BDP1: variants seen among roughly 807,000 people sequenced by gnomAD.
BDP1 encodes BDP1 general transcription factor IIIB subunit.
Under a neutral mutation model 266.6 loss-of-function variants are expected in BDP1, and 169 were observed. That is an observed-to-expected ratio of 0.63 (90% confidence interval 0.56 to 0.72). BDP1 has a LOEUF of 0.72. Among genes scored for constraint, BDP1 ranks in the 30% least tolerant of loss-of-function variants. The pLI, the probability that BDP1 is intolerant of heterozygous loss-of-function variation, is 0.00. For synonymous variants in BDP1, 1,090 were observed against 1,022.4 expected, an observed-to-expected ratio of 1.07 and a Z score of -1.26; for missense variants, 3,015 against 3,053.8, an observed-to-expected ratio of 0.99 and a Z score of 0.30.
At chr5:71,475,136 G>A (rs1762505183) in intron 7 of BDP1, among the ~76,000 whole-genome samples, 1 of 152,002 alleles carries the variant, frequency 6.6e-6, no homozygotes, top group Non-Finnish European at 1.5e-5. Context: ...ACAGTGTGGA[G>A]TACATGGGCA....
In BDP1 at chr5:71,545,796, A is replaced by G. The variant is rs553201774; in HGVS notation, c.6744+577A>G. On this transcript the variant is annotated intron_variant, in intron 32 of 38. Coordinates refer to ENST00000358731, the MANE Select transcript of BDP1 (RefSeq NM_018429.3). Reference sequence around the variant, plus strand: ...AAGGGAGAGGAACGTGTGTGTAAAGAACAGGTGTGGACCGGTTGCAGTGGC... The same window carrying G: ...AAGGGAGAGGAACGTGTGTGTAAAGGACAGGTGTGGACCGGTTGCAGTGGC... Among the ~76,000 whole-genome samples the G allele has an allele frequency of 9.9e-5, 15 of 152,184 alleles. No homozygotes were observed. The South Asian group carries it at 2.7e-3, about 27-fold the overall frequency.
intron 7 of BDP1, among the ~76,000 whole-genome samples, chr5:71,479,295 C>T (rs1312970598): frequency 6.6e-6 from 1 of 151,954 alleles, no homozygotes; most frequent in Non-Finnish European, 1.5e-5. Context: ...CCTGCCTCAG[C>T]CTCCCAAAGT....
rs753019323 is a variant in BDP1 at position 71,511,132 on chromosome 5, T to C, written c.4040T>C (p.Val1347Ala). The C allele has an allele frequency of 4.2e-5, 68 of 1,609,156 alleles. No homozygotes were observed. The highest frequency in any genetic ancestry group is 4.6e-5 in the Non-Finnish European group (54 of 1,178,384). Residue 1347 changes from valine to alanine, a missense_variant, in exon 17 of 39, where the codon GTG becomes GCG. Around this residue, in one of 3 missense-constraint regions of BDP1, gnomAD observed 2,383 missense variants for 2,404.9 expected, o/e 0.99. Coordinates refer to ENST00000358731, the MANE Select transcript of BDP1 (RefSeq NM_018429.3). ...AGCGGTAGCAATGACTTCAGTGCTG[T>C]GCCTTCACTAGATATTCAGGTATGT... ...MQSGSNDFSA[V>A]PSLDIQNISS...
At chr5:71,555,024 C>T (rs1354845574) in intron 35 of BDP1, among the ~76,000 whole-genome samples, 1 of 152,148 alleles carries the variant, frequency 6.6e-6, no homozygotes, top group Non-Finnish European at 1.5e-5. Flanking sequence ...CTTTGGGATG[C>T]TCAGCCTGTA....
At chr5:71,459,893 T>C (rs976451871) in intron 2 of BDP1, among the ~76,000 whole-genome samples, 1 of 152,232 alleles carries the variant, frequency 6.6e-6, no homozygotes, top group Non-Finnish European at 1.5e-5. Flanking sequence ...CATTGGAGCA[T>C]ATTGGATTTC....
intron 7 of BDP1, among the ~76,000 whole-genome samples, chr5:71,483,267 T>C (rs1274580610): frequency 2.6e-5 from 4 of 152,312 alleles, no homozygotes; most frequent in Middle Eastern, 3.4e-3. Flanking sequence ...CTAATGACTT[T>C]AGGATGGATT....
intron 1 of BDP1, 88 bp downstream of exon 1, chr5:71,456,177 G>T: frequency 7.8e-7 from 1 of 1,289,592 alleles, no homozygotes; most frequent in Non-Finnish European, 1.1e-6. Context: ...TTTATCACAG[G>T]AGTCCGCTCT....
In BDP1 at chr5:71,549,612, G is replaced by A. The variant is rs775432752; in HGVS notation, c.6995+6G>A. The A allele has an allele frequency of 7.6e-6, 12 of 1,586,326 alleles. No homozygotes were observed. In the African/African-American group the frequency reaches 8.1e-5, roughly 11 times the overall value. ...GAAGAAAGGGGTGACATGAGGTAAC[G>A]AATGAGTGAAACTGTTTTTGCTAGG... On this transcript the variant is annotated splice_donor_region_variant and intron_variant, in intron 34 of 38. Transcript: ENST00000358731.
At chr5:71,481,129 G>T (rs563036244) in intron 7 of BDP1, among the ~76,000 whole-genome samples, 212 of 151,522 alleles carry the variant, frequency 1.4e-3, no homozygotes, top group Non-Finnish European at 2.5e-3. Context: ...AGCTGAGATC[G>T]CGCCACTGCG....
intron 33 of BDP1, 51 bp downstream of exon 33, chr5:71,548,796 T>G: frequency 7.9e-7 from 1 of 1,264,362 alleles, no homozygotes; most frequent in Non-Finnish European, 1.1e-6. Context: ...TGTATGATTT[T>G]TACCCCTTAT....
rs1354934649 is a variant in BDP1, at chr5:71,506,819, A to AC, written c.2372+2069dup. On this transcript the variant is annotated intron_variant, in intron 16 of 38. Coordinates refer to ENST00000358731, the MANE Select transcript of BDP1 (RefSeq NM_018429.3). ...CACACACACACACACACACACACAC[A>AC]CACACCCATATTTTTTTAAAGACAA... Among the ~76,000 whole-genome samples, 19 of 78,066 alleles carry AC rather than the reference A, an allele frequency of 2.4e-4. No homozygotes were observed. The East Asian group carries it at 5.9e-3, about 24-fold the overall frequency. 51.2% of individuals were successfully genotyped at this position (78,066 alleles called of 152,430 possible).
At chr5:71,473,956 T>A (rs1762431214) in intron 7 of BDP1, among the ~76,000 whole-genome samples, 1 of 152,070 alleles carries the variant, frequency 6.6e-6, no homozygotes, top group African/African-American at 2.4e-5. Context: ...TAAAGCCTTC[T>A]TTTTTAAAGT....
chr5:71,502,325 C>T (rs1283390873), intron 14 of BDP1, among the ~76,000 whole-genome samples: 5 of 151,816 alleles, frequency 3.3e-5, no homozygotes, highest in Non-Finnish European at 7.4e-5. Context: ...CAGGCGCCCA[C>T]CACCACACCT....
chr5:71,575,026 A>G, the BDP1 span, among the ~76,000 whole-genome samples: 1 of 152,234 alleles, frequency 6.6e-6, no homozygotes, highest in African/African-American at 2.4e-5. Context: ...GTGTTCAACA[A>G]AGTGCTGAGA....
chr5:71,471,707 T>A (rs1762264785), intron 7 of BDP1, among the ~76,000 whole-genome samples: 1 of 152,220 alleles, frequency 6.6e-6, no homozygotes, highest in South Asian at 2.1e-4. Context: ...CATTTGAGTG[T>A]CATCACACTA....
Position 71,556,897 on chromosome 5 carries a change from G to A in BDP1, c.7212G>A (p.Lys2404=). The change falls in exon 36 of 39, where the codon AAG becomes AAA. Residue 2404 remains lysine, a synonymous_variant. Transcript: ENST00000358731. ...CQEYTTEVHS[K]ELTNVFEETG... Reference sequence around the variant, plus strand: ...TTTTCTTAAAATAGGTGCACTCAAAGGAATTAACAAATGTTTTTGAGGAAA... The same window carrying A: ...TTTTCTTAAAATAGGTGCACTCAAAAGAATTAACAAATGTTTTTGAGGAAA... The A allele has an allele frequency of 6.9e-7, 1 of 1,449,192 alleles. No individual in the cohort carries two copies. The highest frequency in any genetic ancestry group is 9.2e-7 in the Non-Finnish European group (1 of 1,085,000). The allele number at this position is 1,449,192 out of a possible 1,614,324, so 89.8% of individuals were successfully genotyped here.
At chr5:71,497,223 G>A in intron 12 of BDP1, 47 bp from the exon 13 acceptor site, 1 of 1,540,756 alleles carries the variant, frequency 6.5e-7, no homozygotes, top group Non-Finnish European at 8.9e-7. Flanking sequence ...AGTTCATTTG[G>A]ACATGACTGC....
chr5:71,549,527 G>T lies in BDP1; in HGVS notation c.6916G>T (p.Ala2306Ser). Residue 2306 changes from alanine to serine, a missense_variant, in exon 34 of 39, where the codon GCA becomes TCA. This residue lies in a region of BDP1 where 629 missense variants were observed against 632.5 expected (regional missense o/e 0.99). Coordinates refer to ENST00000358731, the MANE Select transcript of BDP1 (RefSeq NM_018429.3). ...AGTAGAAGAATTTACTGATGCCACT[G>T]CACAGTTCATGCCAAACCCTTTACT... is the stretch of plus-strand genomic sequence containing the variant. Reference protein sequence around the residue: ...NAVEEFTDATAQFMPNPLLPA... With the variant: ...NAVEEFTDATSQFMPNPLLPA... 6.2e-7 allele frequency: 1 copy of T among 1,614,040 alleles called. No homozygotes were observed. Among genetic ancestry groups the T allele is most frequent in the Non-Finnish European group, 8.5e-7 (1 of 1,179,958 alleles).
intron 16 of BDP1, among the ~76,000 whole-genome samples, chr5:71,505,222 G>A (rs1764513264): frequency 6.6e-6 from 1 of 152,036 alleles, no homozygotes; most frequent in South Asian, 2.1e-4. Context: ...GGCCAGGCTG[G>A]TCTCGAACTC....
Sources: allele counts gnomAD v4.1 joint callset (sites outside exome capture counted in the v4.1 genomes callset), GRCh38; gene constraint gnomAD v4.1.1; regional missense constraint gnomAD v4.1.1; transcripts MANE v1.5; gene names NCBI Gene and HGNC (gene_info 2026-07-23, HGNC 2026-07-21).